Variants in ROBO1 observed in about 807,000 individuals in gnomAD.
The protein encoded by ROBO1 is roundabout homolog 1.
Under a neutral mutation model 195.9 loss-of-function variants are expected in ROBO1, and 149 were observed. The observed-to-expected ratio is 0.76, with a 90% confidence interval of 0.67 to 0.87. The LOEUF is 0.87. Among genes scored for constraint, ROBO1 ranks in the 40% least tolerant of loss-of-function variants. ROBO1 has a pLI of 0.00. For synonymous variants in ROBO1, 816 were observed against 733.2 expected, an observed-to-expected ratio of 1.11 and a Z score of -1.82; for missense variants, 1,933 against 2,068.3, an observed-to-expected ratio of 0.93 and a Z score of 1.27.
intron 2 of ROBO1, among the ~76,000 whole-genome samples, chr3:79,348,335 A>G (rs2035209394): frequency 6.6e-6 from 1 of 152,152 alleles, no homozygotes; most frequent in Middle Eastern, 3.2e-3. Context: ...CACAAGTAAC[A>G]GAAGCACCTT....
chr3:79,367,366 C>A (rs1258342927), intron 2 of ROBO1, among the ~76,000 whole-genome samples: 2 of 152,172 alleles, frequency 1.3e-5, no homozygotes, highest in Non-Finnish European at 2.9e-5. Context: ...CATTTTCAGA[C>A]AATTTCTGCA....
chr3:79,645,888 T>A (rs548716373), intron 1 of ROBO1, among the ~76,000 whole-genome samples: 9 of 152,168 alleles, frequency 5.9e-5, no homozygotes, highest in South Asian at 2.1e-4. Flanking sequence ...TTCAGAAGAA[T>A]AAAACTAGAT....
chr3:79,120,165 A>G (rs1048295111), intron 3 of ROBO1, among the ~76,000 whole-genome samples: 7 of 152,174 alleles, frequency 4.6e-5, no homozygotes, highest in African/African-American at 1.7e-4. Context: ...AATAAACATA[A>G]AGGTTGTTTC....
At chr3:79,332,160 A>C (rs1236193818) in intron 2 of ROBO1, among the ~76,000 whole-genome samples, 1 of 151,428 alleles carries the variant, frequency 6.6e-6, no homozygotes, top group Admixed American at 6.6e-5. Flanking sequence ...GAAAAAAAAA[A>C]AAAAAAGAAT....
chr3:79,751,891 A>G (rs1009905341), intron 1 of ROBO1, among the ~76,000 whole-genome samples: 5 of 152,172 alleles, frequency 3.3e-5, no homozygotes, highest in Non-Finnish European at 7.4e-5. Context: ...AGTTGCCAGA[A>G]TGTCACTGGC....
chr3:79,638,917 T>C (rs1241621531), intron 1 of ROBO1, among the ~76,000 whole-genome samples: 2 of 152,148 alleles, frequency 1.3e-5, no homozygotes, highest in African/African-American at 4.8e-5. Flanking sequence ...TCCCATGATT[T>C]CAGAATATCA....
intron 2 of ROBO1, among the ~76,000 whole-genome samples, chr3:79,320,517 A>G (rs1171112159): frequency 6.6e-6 from 1 of 152,004 alleles, no homozygotes; most frequent in Non-Finnish European, 1.5e-5. Context: ...TTTTGCAGAG[A>G]TGGAGTTTTG....
intron 4 of ROBO1, among the ~76,000 whole-genome samples, chr3:78,852,713 T>G (rs895792455): frequency 7.2e-5 from 11 of 152,152 alleles, no homozygotes; most frequent in Non-Finnish European, 8.8e-5. Flanking sequence ...GATTTTACCA[T>G]GAAGGCAATA....
intron 2 of ROBO1, among the ~76,000 whole-genome samples, chr3:79,414,212 T>C (rs2037901668): frequency 6.6e-6 from 1 of 151,240 alleles, no homozygotes; most frequent in South Asian, 2.1e-4. Context: ...TCTCTCTCTC[T>C]CTCTCCCTCC....
chr3:79,031,585 A>T (rs1359948644), intron 3 of ROBO1, among the ~76,000 whole-genome samples: 2 of 152,218 alleles, frequency 1.3e-5, no homozygotes, highest in African/African-American at 4.8e-5. Context: ...TAAGTTTCTT[A>T]ATATCGCTAG....
intron 22 of ROBO1, among the ~76,000 whole-genome samples, chr3:78,636,671 C>G (rs546160419): frequency 2.6e-5 from 4 of 151,700 alleles, no homozygotes; most frequent in African/African-American, 9.7e-5. Flanking sequence ...TCTATTAGTT[C>G]TTGTTGTAGT....
At chr3:78,668,903 C>A (rs1707893137) in intron 11 of ROBO1, among the ~76,000 whole-genome samples, 1 of 152,028 alleles carries the variant, frequency 6.6e-6, no homozygotes, top group Admixed American at 6.6e-5. Flanking sequence ...TAAGATATAT[C>A]TTTATGTTTA....
At position 79,263,932 on chromosome 3, in the gene ROBO1, C is replaced by T. The variant is rs573448667; in HGVS notation, c.89-138393G>A. On this transcript the variant is annotated intron_variant, in intron 2 of 30. Transcript: ENST00000464233. ...TTCTACTTCTTTGACTCCTTCTATC[C>T]GATTCATCATCAGGTTATTGAATTT... Among the ~76,000 whole-genome samples the T allele has an allele frequency of 5.9e-5, 9 of 151,982 alleles. No homozygotes were observed. The Admixed American group carries it at 5.9e-4, about 10-fold the overall frequency.
chr3:79,549,949 A>T (rs570425058), intron 2 of ROBO1, among the ~76,000 whole-genome samples: 1 of 151,156 alleles, frequency 6.6e-6, no homozygotes, highest in African/African-American at 2.4e-5. Context: ...ACATAGTAAG[A>T]CATCATCTCT....
At chr3:79,043,196 T>C (rs1353703416) in intron 3 of ROBO1, among the ~76,000 whole-genome samples, 1 of 152,092 alleles carries the variant, frequency 6.6e-6, no homozygotes, top group African/African-American at 2.4e-5. Flanking sequence ...AATTGGAGGT[T>C]TGTGGATATT....
At chr3:79,298,462 C>T (rs1292939916) in intron 2 of ROBO1, among the ~76,000 whole-genome samples, 1 of 152,022 alleles carries the variant, frequency 6.6e-6, no homozygotes, top group Admixed American at 6.6e-5. Context: ...TTCAGTAGTC[C>T]TTGCTGTCTG....
intron 2 of ROBO1, among the ~76,000 whole-genome samples, chr3:79,549,380 A>C (rs1009696370): frequency 6.6e-6 from 1 of 152,204 alleles, no homozygotes; most frequent in Non-Finnish European, 1.5e-5. Context: ...GCATCTTATG[A>C]GAGCACTCAG....
At chr3:79,172,991 A>T (rs998573910) in intron 2 of ROBO1, among the ~76,000 whole-genome samples, 10 of 152,158 alleles carry the variant, frequency 6.6e-5, no homozygotes, top group African/African-American at 2.4e-4. Flanking sequence ...TCAGTATTTC[A>T]GTTGTGTTCA....
At chr3:79,762,909 A>T (rs951628588) in intron 1 of ROBO1, among the ~76,000 whole-genome samples, 5 of 150,838 alleles carry the variant, frequency 3.3e-5, no homozygotes, top group African/African-American at 4.9e-5. Flanking sequence ...AAAAATCATA[A>T]TTTTTTTTTT....
Sources: gnomAD v4.1 joint callset for allele counts (sites outside exome capture counted in the v4.1 genomes callset) on GRCh38, gnomAD v4.1.1 for gene constraint, MANE v1.5 for transcripts, NCBI Gene and HGNC (gene_info 2026-07-23, HGNC 2026-07-21) for gene names.